Variants in MPDZ observed in about 807,000 individuals in gnomAD.
MPDZ encodes multiple PDZ domain protein.
A neutral mutation model predicts 239.1 loss-of-function variants in MPDZ; 234 were observed. That is an observed-to-expected ratio of 0.98 (90% CI 0.88 to 1.09). The LOEUF (loss-of-function observed/expected upper bound fraction) is 1.09. Ranked by LOEUF, MPDZ falls within the 50% of genes least tolerant of loss-of-function variation. The probability of loss-of-function intolerance (pLI) is 0.00; values close to 1 mark genes in which losing one functional copy is unlikely to be tolerated. For synonymous variants in MPDZ, 1,048 were observed against 881.3 expected, an observed-to-expected ratio of 1.19 and a Z score of -3.35; for missense variants, 3,175 against 2,510.0, an observed-to-expected ratio of 1.26 and a Z score of -5.66.
intron 26 of MPDZ, 28 bp from the exon 27 acceptor site, chr9:13,143,592 C>A (rs1020555718): frequency 1.3e-6 from 2 of 1,566,348 alleles, no homozygotes; most frequent in Non-Finnish European, 1.8e-6. Flanking sequence ...AGGCGCTGAA[C>A]GCAAAGGAAA....
chr9:13,172,588 T>C (rs1246386892), intron 21 of MPDZ, among the ~76,000 whole-genome samples: 1 of 152,152 alleles, frequency 6.6e-6, no homozygotes, highest in African/African-American at 2.4e-5. Flanking sequence ...GGTTTCGCCA[T>C]GTTGGGCAGA....
Position 13,223,555 on chromosome 9 carries a change from G to A in MPDZ, c.533+16C>T, listed in dbSNP as rs774636932. On this transcript the variant is annotated intron_variant, in intron 5 of 46. Transcript: ENST00000319217. ...ATGTGGGATCAAAAACAAAGAAGAC[G>A]CCGCGACCATCTCACCTATGGGCCA... 61 of 1,593,754 alleles carry A rather than the reference G, an allele frequency of 3.8e-5. No homozygotes were observed. The highest frequency in any genetic ancestry group is 3.5e-4 in the Admixed American group (20 of 56,844).
chr9:13,117,120 T>A (rs546669763), intron 39 of MPDZ, among the ~76,000 whole-genome samples: 2 of 152,280 alleles, frequency 1.3e-5, no homozygotes, highest in South Asian at 4.1e-4. Context: ...AATAGAACAA[T>A]TATAACAATG....
chr9:13,220,977 T>C (rs866800615), intron 7 of MPDZ, among the ~76,000 whole-genome samples: 1 of 152,068 alleles, frequency 6.6e-6, no homozygotes, highest in Middle Eastern at 3.4e-3. Flanking sequence ...ACAAGGTGAA[T>C]GTTGTTTTTC....
At chr9:13,136,007 C>T (rs1946681543) in intron 31 of MPDZ, 85 bp downstream of exon 31, 1 of 902,104 alleles carries the variant, frequency 1.1e-6, no homozygotes, top group East Asian at 2.6e-5. Flanking sequence ...ATATCCCTCT[C>T]TAAGTGTTAT....
chr9:13,136,257 G>T, intron 30 of MPDZ, 75 bp from the exon 31 acceptor site: 4 of 894,500 alleles, frequency 4.5e-6, no homozygotes, highest in South Asian at 1.9e-5. Flanking sequence ...GAGTCAGAAG[G>T]TTATTAGAGA....
chr9:13,237,531 T>C (rs10809920), intron 3 of MPDZ, among the ~76,000 whole-genome samples: 65,788 of 148,934 alleles, frequency 0.44, 17,502 homozygotes, highest in Middle Eastern at 0.61. Flanking sequence ...CAGAAAACAC[T>C]AATTTGAGTT....
intron 46 of MPDZ, 143 bp from the exon 47 acceptor site, chr9:13,107,254 T>A: frequency 1.2e-6 from 1 of 834,016 alleles, no homozygotes; most frequent in Non-Finnish European, 1.8e-6. Context: ...CTCTAAGCCA[T>A]TAAGCAATGA....
chr9:13,224,543 G>A lies in MPDZ; in HGVS notation c.224C>T (p.Ala75Val). 6.2e-7 allele frequency: 1 copy of A among 1,611,892 alleles called. No homozygotes were observed. Among genetic ancestry groups the A allele is most frequent in the South Asian group, 1.1e-5 (1 of 90,818 alleles). The change falls in exon 4 of 47, where the codon GCC (alanine) becomes GTC (valine). Residue 75 changes from alanine to valine, a missense_variant. Transcript: ENST00000319217. Reference protein sequence around the residue: ...ATSATSNIEYAHVPHLSPAVI... With the variant: ...ATSATSNIEYVHVPHLSPAVI... ...AGCTGGGCTGAGATGAGGAACGTGGGCATATTCAATATTTGAAGTTGCTGA... is the reference window on the plus strand; with the variant it reads ...AGCTGGGCTGAGATGAGGAACGTGGACATATTCAATATTTGAAGTTGCTGA...
At chr9:13,126,652 TA>T (rs779511433) in intron 33 of MPDZ, 27 bp downstream of exon 33, 56 of 1,612,254 alleles carry the variant, frequency 3.5e-5, no homozygotes, top group African/African-American at 2.1e-4. Context: ...CCCAACTACT[TA>T]ATGACAGCAA....
At position 13,279,390 on chromosome 9, in the gene MPDZ, C is replaced by G. The variant is rs1453903035; in HGVS notation, c.-58+10G>C. 6.8e-6 allele frequency: 1 copy of G among 146,264 alleles called. No homozygotes were observed. The highest frequency in any genetic ancestry group is 2.5e-5 in the African/African-American group (1 of 40,558). The allele number at this position is 146,264 out of a possible 1,614,324, so 9.1% of individuals were successfully genotyped here. On this transcript the variant is annotated intron_variant, in intron 1 of 46. Transcript: ENST00000319217. ...CTCGGCCTCTGGGCCGGGGCTCAAG[C>G]GCCGCTTACCCGGCTCGCGGCGCCC...
intron 3 of MPDZ, among the ~76,000 whole-genome samples, chr9:13,242,133 T>C (rs1434924487): frequency 6.6e-6 from 1 of 151,266 alleles, no homozygotes; most frequent in Non-Finnish European, 1.5e-5. Context: ...TAAAGAACAA[T>C]TACTATATTT....
At chr9:13,185,973 C>A (rs1954039489) in intron 18 of MPDZ, among the ~76,000 whole-genome samples, 1 of 152,060 alleles carries the variant, frequency 6.6e-6, no homozygotes, top group Admixed American at 6.6e-5. Context: ...CTAGAGATAT[C>A]TAAGCGTGAA....
intron 3 of MPDZ, 134 bp downstream of exon 3, chr9:13,247,501 T>C: frequency 1.1e-6 from 1 of 881,428 alleles, no homozygotes; most frequent in South Asian, 2.8e-5. Context: ...AATCTGAATG[T>C]CTCATTTGGA....
intron 32 of MPDZ, among the ~76,000 whole-genome samples, chr9:13,129,789 T>C (rs983696253): frequency 6.6e-6 from 1 of 152,142 alleles, no homozygotes; most frequent in African/African-American, 2.4e-5. Context: ...CAGGCTGGTC[T>C]TGAATTCCCA....
intron 38 of MPDZ, among the ~76,000 whole-genome samples, chr9:13,120,814 T>C (rs868539562): frequency 2.6e-5 from 4 of 152,144 alleles, no homozygotes; most frequent in Non-Finnish European, 5.9e-5. Context: ...TCTGACTCAC[T>C]GGAAAAAATA....
At chr9:13,202,794 T>C (rs1359471287) in intron 12 of MPDZ, among the ~76,000 whole-genome samples, 1 of 152,182 alleles carries the variant, frequency 6.6e-6, no homozygotes, top group African/African-American at 2.4e-5. Flanking sequence ...AAAATTACCA[T>C]TTATCTTATC....
intron 3 of MPDZ, among the ~76,000 whole-genome samples, chr9:13,226,824 G>T (rs924798149): frequency 1.3e-5 from 2 of 151,924 alleles, no homozygotes; most frequent in African/African-American, 4.8e-5. Flanking sequence ...GCCTTATACA[G>T]AGTTGTTCAA....
In MPDZ at chr9:13,144,375, C is replaced by T. The variant is rs113078236; in HGVS notation, c.3742-811G>A. Among the ~76,000 whole-genome samples, 603 of 151,970 alleles carry T rather than the reference C, an allele frequency of 4.0e-3. 3 individuals carry two copies. Among genetic ancestry groups the T allele is most frequent in the African/African-American group, 0.014 (589 of 41,464 alleles). ...TAGAGTTGAAAATACATATTAAAGT[C>T]AGGATGACTGCCAGATAGAATTTAG... On this transcript the variant is annotated intron_variant, in intron 26 of 46. Transcript: ENST00000319217.
Sources: allele counts gnomAD v4.1 joint callset (sites outside exome capture counted in the v4.1 genomes callset), GRCh38; gene constraint gnomAD v4.1.1; transcripts MANE v1.5; gene names NCBI Gene and HGNC (gene_info 2026-07-23, HGNC 2026-07-21).